NID1: variants seen among roughly 807,000 people sequenced by gnomAD.
NID1 encodes nidogen 1.
In NID1, 76 loss-of-function variants were observed where a neutral mutation model predicts 130.6. The ratio of observed to expected loss-of-function variants is 0.58; its 90% CI spans 0.48 to 0.70. NID1 has a LOEUF of 0.70. Among genes scored for constraint, NID1 ranks in the 30% least tolerant of loss-of-function variants. The pLI is 0.00. For synonymous variants in NID1, 665 were observed against 675.1 expected, an observed-to-expected ratio of 0.98 and a Z score of 0.23; for missense variants, 1,517 against 1,664.8, an observed-to-expected ratio of 0.91 and a Z score of 1.54.
chr1:235,992,195 G>T (rs1657768891), intron 13 of NID1, among the ~76,000 whole-genome samples: 1 of 152,310 alleles, frequency 6.6e-6, no homozygotes, highest in Admixed American at 6.5e-5. Context: ...TCTCTACAGT[G>T]AGAGCTGGAC....
chr1:236,062,791 C>A (rs1187307264), intron 1 of NID1, among the ~76,000 whole-genome samples: 1 of 152,122 alleles, frequency 6.6e-6, no homozygotes, highest in Admixed American at 6.6e-5. Context: ...TGCTCATGAT[C>A]TTCAAAGTTC....
chr1:235,985,628 T>A (rs1337815498), intron 14 of NID1, 123 bp from the exon 15 acceptor site: 8 of 1,150,142 alleles, frequency 7.0e-6, no homozygotes, highest in Non-Finnish European at 9.8e-6. Context: ...TTTGTTCATT[T>A]AAAAATTTTT....
In NID1 at chr1:236,035,943, A is replaced by AT. The variant is rs113533969; in HGVS notation, c.1285+2160dup. On this transcript the variant is annotated intron_variant, in intron 5 of 19. Transcript: ENST00000264187. ...TTCCACCAAACTTTGAGCTAGAAAC[A>AT]TTTTTTTTTTAAGTAGCAAGAATCC... Among the ~76,000 whole-genome samples the AT allele has an allele frequency of 2.8e-3, 425 of 150,762 alleles. 2 individuals carry two copies. The highest frequency in any genetic ancestry group is 8.4e-3 in the South Asian group (40 of 4,750).
At chr1:236,005,533 T>C (rs1658223932) in intron 12 of NID1, among the ~76,000 whole-genome samples, 1 of 152,206 alleles carries the variant, frequency 6.6e-6, no homozygotes, top group African/African-American at 2.4e-5. Context: ...TTACCTTACA[T>C]TTTGCTATTT....
Position 236,041,738 on chromosome 1 carries a change from G to A in NID1, c.1135+172C>T, listed in dbSNP as rs569515829. ...ATCACTGAGCATCTCTGAAGCCACT[G>A]GGCATATAACACCAAGGCTCCACGG... On this transcript the variant is annotated intron_variant, in intron 4 of 19. Coordinates refer to ENST00000264187, the MANE Select transcript of NID1 (RefSeq NM_002508.3). Among the ~76,000 whole-genome samples, 3 of 152,254 alleles carry A rather than the reference G, an allele frequency of 2.0e-5. No homozygotes were observed. In the South Asian group the frequency reaches 6.2e-4, roughly 32 times the overall value.
intron 15 of NID1, among the ~76,000 whole-genome samples, chr1:235,984,551 A>G (rs1443372318): frequency 6.6e-6 from 1 of 152,242 alleles, no homozygotes; most frequent in Non-Finnish European, 1.5e-5. Context: ...CTCTATTTTA[A>G]AGATGTATCT....
chr1:236,026,475 C>A (rs1042187806), intron 7 of NID1, among the ~76,000 whole-genome samples: 1 of 152,142 alleles, frequency 6.6e-6, no homozygotes, highest in Non-Finnish European at 1.5e-5. Context: ...TGGAAAGAGA[C>A]GCCCCTGAAT....
In NID1 at chr1:236,057,778, A is replaced by C. The variant is rs190607698; in HGVS notation, c.225+7077T>G. On this transcript the variant is annotated intron_variant, in intron 1 of 19. Coordinates refer to ENST00000264187, the MANE Select transcript of NID1 (RefSeq NM_002508.3). ...AAAGGAAAAAAAAGAAAAGAAAAGA[A>C]AAAAAGAAAAAGAAAACCTCCTCAA... Among the ~76,000 whole-genome samples the C allele has an allele frequency of 4.6e-4, 70 of 152,276 alleles. No homozygotes were observed. In the East Asian group the frequency reaches 8.5e-3, roughly 18 times the overall value.
Position 236,042,195 on chromosome 1 carries a change from C to T in NID1, c.850G>A (p.Glu284Lys). Residue 284 changes from glutamate (E) to lysine (K), a missense_variant, in exon 4 of 20, where the codon GAA (glutamate) becomes AAA (lysine). Physicochemically the swap from Glu to Lys is moderately conservative, Grantham distance 56. Transcript: ENST00000264187. ...TCATCATCATACTCTGCCCCATCTT[C>T]AGTTCCGAGGATCACGTCTGCAGGC... is the stretch of plus-strand genomic sequence containing the variant. ...VVPADVILGT[E>K]DGAEYDDEDE... 5 of 1,613,862 alleles carry T rather than the reference C, an allele frequency of 3.1e-6. No homozygotes were observed. Among genetic ancestry groups the T allele is most frequent in the Non-Finnish European group, 4.2e-6 (5 of 1,180,026 alleles).
intron 2 of NID1, among the ~76,000 whole-genome samples, chr1:236,048,025 CAAAAAAAAAAAAAAAAA>C (rs57153446): frequency 5.9e-5 from 2 of 33,938 alleles, no homozygotes; most frequent in African/African-American, 2.6e-4. Flanking sequence ...GACTCCATCT[CAAAAAAAAAAAAAAAAA>C]AAAAAAAAAG....
At chr1:235,985,895 G>C (rs1472628962) in intron 14 of NID1, among the ~76,000 whole-genome samples, 1 of 152,060 alleles carries the variant, frequency 6.6e-6, no homozygotes, top group African/African-American at 2.4e-5. Flanking sequence ...AAGTAGCTGG[G>C]ACTACAGGCA....
chr1:236,057,167 G>T (rs1464825646), intron 1 of NID1, among the ~76,000 whole-genome samples: 1 of 151,894 alleles, frequency 6.6e-6, no homozygotes, highest in Non-Finnish European at 1.5e-5. Context: ...GCTGAGGCAG[G>T]AGAATCGCTT....
intron 9 of NID1, 96 bp from the exon 10 acceptor site, chr1:236,017,369 C>A: frequency 9.1e-6 from 12 of 1,313,900 alleles, no homozygotes; most frequent in African/African-American, 1.5e-5. Context: ...AAGAATAGAT[C>A]AATTTTAAAA....
intron 9 of NID1, among the ~76,000 whole-genome samples, chr1:236,022,354 T>G (rs1163167083): frequency 6.6e-6 from 1 of 150,634 alleles, no homozygotes; most frequent in African/African-American, 2.4e-5. Context: ...TTTTTTTTTT[T>G]GGGAGACAGA....
At chr1:236,026,381 G>C (rs1658932083) in intron 7 of NID1, among the ~76,000 whole-genome samples, 1 of 152,160 alleles carries the variant, frequency 6.6e-6, no homozygotes, top group African/African-American at 2.4e-5. Context: ...ATGTGTATTT[G>C]TTGCTTTTCT....
At chr1:236,042,544 G>A (rs1410976762) in intron 3 of NID1, among the ~76,000 whole-genome samples, 1 of 152,192 alleles carries the variant, frequency 6.6e-6, no homozygotes, top group Non-Finnish European at 1.5e-5. Context: ...TTCCAGAAGT[G>A]TGCTCCAGGG....
chr1:236,043,381 A>C (rs1659508155), intron 3 of NID1, among the ~76,000 whole-genome samples: 1 of 152,106 alleles, frequency 6.6e-6, no homozygotes, highest in South Asian at 2.1e-4. Context: ...CCAGTGCTAG[A>C]ATTGAACTGA....
Position 236,049,000 on chromosome 1 carries a change from C to T in NID1, c.226-11G>A. 3 of 1,607,934 alleles carry T rather than the reference C, an allele frequency of 1.9e-6. No individual in the cohort carries two copies. Among genetic ancestry groups the T allele is most frequent in the Non-Finnish European group, 2.5e-6 (3 of 1,178,660 alleles). ...GCCATTTGTGGTGACCTGTACAAAA[C>T]CAAGTGTGGTTAAAAGGAATGCAGA... On this transcript the variant is annotated splice_polypyrimidine_tract_variant and intron_variant, in intron 1 of 19. Transcript: ENST00000264187.
At chr1:236,056,911 T>A (rs1454845767) in intron 1 of NID1, among the ~76,000 whole-genome samples, 1 of 150,866 alleles carries the variant, frequency 6.6e-6, no homozygotes, top group African/African-American at 2.5e-5. Flanking sequence ...AACAAAAACA[T>A]GAAGCGTAAG....
Sources: allele counts gnomAD v4.1 joint callset (sites outside exome capture counted in the v4.1 genomes callset), GRCh38; gene constraint gnomAD v4.1.1; transcripts MANE v1.5; gene names NCBI Gene and HGNC (gene_info 2026-07-23, HGNC 2026-07-21).